Variants in FHOD3 observed in about 807,000 individuals in gnomAD.
FHOD3 encodes the protein FH1/FH2 domain-containing protein 3.
Under a neutral mutation model 173.0 loss-of-function variants are expected in FHOD3, and 90 were observed. That is an observed-to-expected ratio of 0.52 (90% confidence interval 0.44 to 0.62). The LOEUF (loss-of-function observed/expected upper bound fraction) is 0.62, where lower values mean the gene tolerates loss of function less well. Among genes scored for constraint, FHOD3 ranks in the 20% least tolerant of loss-of-function variants. The pLI is 0.00. For synonymous variants in FHOD3, 828 were observed against 823.0 expected (o/e 1.01, Z -0.10); for missense variants, 1,945 against 2,034.7 (o/e 0.96, Z 0.85).
intron 20 of FHOD3, among the ~76,000 whole-genome samples, chr18:36,733,974 C>G (rs1006281989): frequency 6.6e-6 from 1 of 152,090 alleles, no homozygotes; most frequent in Non-Finnish European, 1.5e-5. Context: ...GTGGCTGGCC[C>G]TGGAGGGGCC....
chr18:36,612,930 G>C (rs985847527), intron 9 of FHOD3, among the ~76,000 whole-genome samples: 1 of 152,136 alleles, frequency 6.6e-6, no homozygotes. Context: ...AGTAAGAAAG[G>C]GCTGAAAGAA....
At chr18:36,496,202 G>T (rs2054736169) in intron 3 of FHOD3, among the ~76,000 whole-genome samples, 1 of 152,180 alleles carries the variant, frequency 6.6e-6, no homozygotes, top group Admixed American at 6.5e-5. Context: ...TAGTCCTGCA[G>T]CAAGGAACCC....
At chr18:36,355,940 G>A (rs1394151737) in intron 2 of FHOD3, among the ~76,000 whole-genome samples, 2 of 152,052 alleles carry the variant, frequency 1.3e-5, no homozygotes, top group Admixed American at 6.6e-5. Context: ...CAATTAAATC[G>A]ATATTTTCCA....
At chr18:36,369,465 AC>A (rs2047059824) in intron 2 of FHOD3, among the ~76,000 whole-genome samples, 1 of 126,110 alleles carries the variant, frequency 7.9e-6, no homozygotes. Flanking sequence ...ACACACACAC[AC>A]ACACACACAC....
In FHOD3 at chr18:36,755,267, A is replaced by C; in HGVS notation, c.4381A>C (p.Asn1461His). Reference sequence around the variant, plus strand: ...TTTGCAGCAGAAACAGAAACGGGCCAACCACAGAGAGAGAAATAAGACCAG... The same window carrying C: ...TTTGCAGCAGAAACAGAAACGGGCCCACCACAGAGAGAGAAATAAGACCAG... ...RVLQQKQKRANHRERNKTRGK... is the reference protein window; with the variant it reads ...RVLQQKQKRAHHRERNKTRGK... The change falls in exon 25 of 29, where the codon AAC (asparagine) becomes CAC (histidine). Residue 1461 changes from asparagine to histidine, a missense_variant. Around this residue, in one of 5 missense-constraint regions of FHOD3, gnomAD observed 354 missense variants for 359.9 expected, o/e 0.98. Coordinates refer to ENST00000590592, the MANE Select transcript of FHOD3 (RefSeq NM_001281740.3). 6.2e-7 allele frequency: 1 copy of C among 1,611,264 alleles called. No individual in the cohort carries two copies.
chr18:36,416,171 T>C (rs1378202202), intron 3 of FHOD3, among the ~76,000 whole-genome samples: 5 of 152,200 alleles, frequency 3.3e-5, no homozygotes, highest in African/African-American at 1.2e-4. Flanking sequence ...TAGCTGGGAC[T>C]ATAGGCGTGC....
intron 3 of FHOD3, among the ~76,000 whole-genome samples, chr18:36,409,832 G>C (rs576178028): frequency 6.8e-4 from 103 of 152,208 alleles, no homozygotes; most frequent in East Asian, 6.4e-3. Flanking sequence ...GTGGCTTTGG[G>C]GTGGCTTATT....
At chr18:36,458,288 A>G (rs1428382088) in intron 3 of FHOD3, among the ~76,000 whole-genome samples, 1 of 152,148 alleles carries the variant, frequency 6.6e-6, no homozygotes, top group African/African-American at 2.4e-5. Flanking sequence ...GCAGTAGAGG[A>G]AAGGAGAGTG....
intron 7 of FHOD3, among the ~76,000 whole-genome samples, chr18:36,599,530 A>G (rs937127143): frequency 6.6e-6 from 1 of 152,158 alleles, no homozygotes; most frequent in Non-Finnish European, 1.5e-5. Context: ...ATCCACATTG[A>G]GTGTGTTTAT....
chr18:36,712,381 C>T (rs373552719), intron 18 of FHOD3, among the ~76,000 whole-genome samples: 33 of 150,942 alleles, frequency 2.2e-4, no homozygotes, highest in African/African-American at 5.8e-4. Flanking sequence ...TTAGGGAATA[C>T]GTAAAAAGTA....
intron 3 of FHOD3, among the ~76,000 whole-genome samples, chr18:36,434,072 T>A (rs1402632712): frequency 6.6e-6 from 1 of 152,230 alleles, no homozygotes; most frequent in Admixed American, 6.5e-5. Context: ...TAGATTAGAT[T>A]AGATTTATCT....
At chr18:36,339,068 G>A (rs2045478128) in intron 1 of FHOD3, among the ~76,000 whole-genome samples, 1 of 152,004 alleles carries the variant, frequency 6.6e-6, no homozygotes, top group Non-Finnish European at 1.5e-5. Flanking sequence ...CTTTTCTCAG[G>A]GTGGGGCCCC....
At chr18:36,530,483 A>G (rs1171025845) in intron 5 of FHOD3, among the ~76,000 whole-genome samples, 8 of 152,116 alleles carry the variant, frequency 5.3e-5, no homozygotes, top group Non-Finnish European at 1.0e-4. Context: ...TTTGTGAGTG[A>G]TTGTTGAGAG....
chr18:36,669,915 G>T (rs984443081), intron 14 of FHOD3, among the ~76,000 whole-genome samples: 2 of 151,728 alleles, frequency 1.3e-5, no homozygotes, highest in Non-Finnish European at 2.9e-5. Context: ...ATTTCTTTTA[G>T]TGCAGGTCTA....
At chr18:36,340,957 A>G (rs2045585243) in intron 1 of FHOD3, among the ~76,000 whole-genome samples, 1 of 152,116 alleles carries the variant, frequency 6.6e-6, no homozygotes, top group Non-Finnish European at 1.5e-5. Context: ...TCTTTGATGC[A>G]GCCTCTAAAT....
chr18:36,697,749 C>T (rs1181029383), intron 17 of FHOD3, among the ~76,000 whole-genome samples: 2 of 152,226 alleles, frequency 1.3e-5, no homozygotes, highest in South Asian at 2.1e-4. Context: ...GTAAATATGG[C>T]GATTCCTGTA....
chr18:36,400,643 G>A (rs561372390), intron 3 of FHOD3, among the ~76,000 whole-genome samples: 1 of 152,342 alleles, frequency 6.6e-6, no homozygotes, highest in South Asian at 2.1e-4. Context: ...CTGTGGCCTG[G>A]GGAAGGGACC....
intron 5 of FHOD3, among the ~76,000 whole-genome samples, chr18:36,549,285 T>C (rs28842576): frequency 0.014 from 2,130 of 152,310 alleles, 48 homozygotes; most frequent in African/African-American, 0.048. Flanking sequence ...CTGTTTCTTA[T>C]TTGATATTAT....
chr18:36,608,882 A>G (rs2032363339), intron 8 of FHOD3, among the ~76,000 whole-genome samples: 1 of 152,194 alleles, frequency 6.6e-6, no homozygotes, highest in Non-Finnish European at 1.5e-5. Flanking sequence ...GTAGAGATGC[A>G]TATGTGCTTA....
Sources: allele counts gnomAD v4.1 joint callset (sites outside exome capture counted in the v4.1 genomes callset), GRCh38; gene constraint gnomAD v4.1.1; regional missense constraint gnomAD v4.1.1; transcripts MANE v1.5; gene names NCBI Gene and HGNC (gene_info 2026-07-23, HGNC 2026-07-21).